Variants in DMD observed in about 807,000 individuals in gnomAD.
DMD encodes the protein dystrophin, also known as mutant dystrophin.
In DMD, 63 loss-of-function variants were observed where a neutral mutation model predicts 330.1. The ratio of observed to expected loss-of-function variants is 0.19; its 90% CI spans 0.16 to 0.24. The LOEUF is 0.24. Among genes scored for constraint, DMD ranks in the 10% least tolerant of loss-of-function variants. DMD has a pLI of 1.00. For synonymous variants in DMD, 1,223 were observed against 959.8 expected, an observed-to-expected ratio of 1.27 and a Z score of -5.07; for missense variants, 3,344 against 2,684.1, an observed-to-expected ratio of 1.25 and a Z score of -5.43.
At chrX:31,140,453 C>T (rs2035902092) in intron 76 of DMD, among the ~76,000 whole-genome samples, 1 of 112,284 alleles carries the variant, frequency 8.9e-6, no homozygotes, top group South Asian at 3.7e-4. Context: ...TATCTTAGTA[C>T]TTGTGTATTT....
intron 2 of DMD, among the ~76,000 whole-genome samples, chrX:32,939,293 A>G (rs1048814166): frequency 9.2e-6 from 1 of 108,870 alleles, no homozygotes; most frequent in African/African-American, 3.3e-5. Flanking sequence ...TTTGAGATAT[A>G]TATATGCAGG....
chrX:31,844,025 AT>A (rs918113153), intron 48 of DMD, among the ~76,000 whole-genome samples: 2 of 110,663 alleles, frequency 1.8e-5, no homozygotes, highest in Non-Finnish European at 3.8e-5. Context: ...TGCCCAGCTA[AT>A]TTTTTTGTAT....
intron 1 of DMD, among the ~76,000 whole-genome samples, chrX:33,043,168 T>C (rs143111636): frequency 0.011 from 1,223 of 112,033 alleles, 35 homozygotes; most frequent in Admixed American, 0.071. Flanking sequence ...TCAGCAGCAG[T>C]AACAAACGAA....
intron 64 of DMD, among the ~76,000 whole-genome samples, chrX:31,215,664 T>C (rs779274673): frequency 2.4e-4 from 27 of 112,122 alleles, no homozygotes; most frequent in Admixed American, 9.4e-4. Flanking sequence ...ATTGTGATGA[T>C]GAAGGTTTAA....
chrX:32,092,822 C>T (rs1221438365), intron 44 of DMD, among the ~76,000 whole-genome samples: 1 of 89,454 alleles, frequency 1.1e-5, no homozygotes, highest in African/African-American at 4.3e-5. Flanking sequence ...TTAGAGAAAT[C>T]TTCCTGGACA....
In DMD at chrX:31,169,426, C is replaced by T; in HGVS notation, c.10553+17G>A. On this transcript the variant is annotated intron_variant, in intron 74 of 78. Coordinates refer to ENST00000357033, the MANE Select transcript of DMD (RefSeq NM_004006.3). ...TGCACTCTGCATACCAATGACAAAG[C>T]TAGAAAGAAAACTCACCTGTTTTCT... is the stretch of plus-strand genomic sequence containing the variant. 1 of 1,189,702 alleles carries T rather than the reference C, an allele frequency of 8.4e-7. No individual in the cohort carries two copies. Among genetic ancestry groups the T allele is most frequent in the Non-Finnish European group, 1.1e-6 (1 of 876,941 alleles).
rs899530393 is a variant in DMD, at chrX:32,986,926, T to C, written c.93+33213A>G. Among the ~76,000 whole-genome samples the C allele has an allele frequency of 1.4e-4, 16 of 112,481 alleles. 1 individual carries two copies. Among genetic ancestry groups the C allele is most frequent in the Admixed American group, 1.4e-3 (15 of 10,573 alleles). ...TGCATTTTATTACAACCTTTCCCTT[T>C]ATTTGGAAAGATTATTCGGTAGCTG... On this transcript the variant is annotated intron_variant, in intron 2 of 78. Transcript: ENST00000357033.
At chrX:31,729,820 A>C in intron 51 of DMD, 72 bp from the exon 52 acceptor site, 2 of 889,851 alleles carry the variant, frequency 2.2e-6, no homozygotes, top group Non-Finnish European at 3.3e-6. Context: ...ATACAAAGTA[A>C]AGTACAATTG....
intron 50 of DMD, among the ~76,000 whole-genome samples, chrX:31,806,477 A>G (rs1416041949): frequency 8.9e-6 from 1 of 112,525 alleles, no homozygotes; most frequent in Non-Finnish European, 1.9e-5. Context: ...TTTTGATCAG[A>G]TGGATTTCAA....
intron 55 of DMD, among the ~76,000 whole-genome samples, chrX:31,617,361 C>A (rs12834490): frequency 0.2 from 21,800 of 108,620 alleles, 2,032 homozygotes; most frequent in Middle Eastern, 0.33. Context: ...CTGGTGAAAC[C>A]CTGTCTGTAC....
chrX:31,242,235 G>A (rs1305513016), intron 63 of DMD, among the ~76,000 whole-genome samples: 6 of 70,442 alleles, frequency 8.5e-5, no homozygotes, highest in African/African-American at 3.5e-4. Context: ...CAGCCTGGGC[G>A]ACAAAGTGAG....
At chrX:32,987,301 C>T (rs912201695) in intron 2 of DMD, among the ~76,000 whole-genome samples, 2 of 111,475 alleles carry the variant, frequency 1.8e-5, no homozygotes, top group Admixed American at 9.6e-5. Flanking sequence ...CAGAAGCTCC[C>T]CACTTGGCAT....
intron 11 of DMD, among the ~76,000 whole-genome samples, chrX:32,624,428 T>G (rs2058210159): frequency 8.9e-6 from 1 of 112,175 alleles, no homozygotes; most frequent in Non-Finnish European, 1.9e-5. Flanking sequence ...AGATAAGTTG[T>G]AAGAACTTGG....
intron 7 of DMD, among the ~76,000 whole-genome samples, chrX:32,761,759 G>C (rs1040046521): frequency 2.7e-5 from 3 of 111,578 alleles, no homozygotes; most frequent in Non-Finnish European, 1.9e-5. Context: ...CAAATCTGTA[G>C]TAAGGTGTAG....
intron 2 of DMD, among the ~76,000 whole-genome samples, chrX:32,898,752 C>T (rs369101102): frequency 2.7e-5 from 3 of 111,275 alleles, no homozygotes; most frequent in East Asian, 2.8e-4. Context: ...TTGTTGCCAT[C>T]TGCTGGTTTC....
intron 44 of DMD, among the ~76,000 whole-genome samples, chrX:32,082,169 A>G (rs1044567485): frequency 9.0e-6 from 1 of 111,683 alleles, no homozygotes; most frequent in Non-Finnish European, 1.9e-5. Flanking sequence ...ACCTCTTCCA[A>G]TACAACTCCA....
intron 60 of DMD, among the ~76,000 whole-genome samples, chrX:31,390,407 C>G (rs2060634576): frequency 9.0e-6 from 1 of 110,576 alleles, no homozygotes; most frequent in East Asian, 2.8e-4. Context: ...GCTCGGGTCT[C>G]TCCTTTGAGC....
At chrX:32,731,461 G>T (rs909758004) in intron 7 of DMD, among the ~76,000 whole-genome samples, 1 of 112,784 alleles carries the variant, frequency 8.9e-6, no homozygotes, top group Non-Finnish European at 1.9e-5. Flanking sequence ...TGAGGGCAGG[G>T]CACAGACAAA....
At chrX:31,174,254 G>A (rs764551552) in intron 71 of DMD, among the ~76,000 whole-genome samples, 10 of 111,670 alleles carry the variant, frequency 9.0e-5, no homozygotes, top group Non-Finnish European at 1.7e-4. Flanking sequence ...TTCATAGAAC[G>A]TCATGATATC....
Sources: allele counts gnomAD v4.1 joint callset (sites outside exome capture counted in the v4.1 genomes callset), GRCh38; gene constraint gnomAD v4.1.1; transcripts MANE v1.5; gene names NCBI Gene and HGNC (gene_info 2026-07-23, HGNC 2026-07-21).